GDPD4: variants seen among roughly 807,000 people sequenced by gnomAD.
GDPD4 encodes the protein glycerophosphodiester phosphodiesterase domain containing 4.
Under a neutral mutation model 67.8 loss-of-function variants are expected in GDPD4, and 60 were observed. The ratio of observed to expected loss-of-function variants is 0.88; its 90% CI spans 0.72 to 1.10. The LOEUF (loss-of-function observed/expected upper bound fraction) is 1.10. Among genes scored for constraint, GDPD4 ranks in the 50% least tolerant of loss-of-function variants. GDPD4 has a pLI of 0.00. For synonymous variants in GDPD4, 212 were observed against 210.9 expected (o/e 1.00, Z -0.04); for missense variants, 623 against 613.9 (o/e 1.01, Z -0.16).
At chr11:77,252,064 T>G (rs368205787) in intron 11 of GDPD4, among the ~76,000 whole-genome samples, 5 of 72,146 alleles carry the variant, frequency 6.9e-5, no homozygotes, top group Non-Finnish European at 1.3e-4. Context: ...GTTTTTTTTT[T>G]GTTTTTTTTT....
chr11:77,283,207 A>G (rs1959837519), intron 3 of GDPD4, among the ~76,000 whole-genome samples: 4 of 152,224 alleles, frequency 2.6e-5, no homozygotes, highest in South Asian at 2.1e-4. Flanking sequence ...GCCGGTGGTC[A>G]GTGCAAAAGC....
At chr11:77,268,570 C>A in intron 9 of GDPD4, 31 bp from the exon 10 acceptor site, 8 of 1,491,408 alleles carry the variant, frequency 5.4e-6, no homozygotes, top group Non-Finnish European at 7.5e-6. Flanking sequence ...AGGCCCTAAG[C>A]CTCAGAGTCT....
chr11:77,221,544 G>T (rs2135817686), intron 16 of GDPD4, among the ~76,000 whole-genome samples: 1 of 152,310 alleles, frequency 6.6e-6, no homozygotes, highest in South Asian at 2.1e-4. Flanking sequence ...GAGAGGTTTT[G>T]AGTGAGTTTC....
chr11:77,239,738 A>G (rs1958629310), intron 13 of GDPD4, among the ~76,000 whole-genome samples: 1 of 152,172 alleles, frequency 6.6e-6, no homozygotes, highest in Admixed American at 6.5e-5. Flanking sequence ...AGGCGGGTGG[A>G]TCACCTGAGG....
At chr11:77,264,299 C>A (rs1486323499) in intron 10 of GDPD4, among the ~76,000 whole-genome samples, 1 of 152,050 alleles carries the variant, frequency 6.6e-6, no homozygotes, top group Admixed American at 6.6e-5. Flanking sequence ...TTCATATAAA[C>A]GTGTTTCACA....
At chr11:77,262,094 TG>T (rs1455431689) in intron 10 of GDPD4, among the ~76,000 whole-genome samples, 1 of 152,218 alleles carries the variant, frequency 6.6e-6, no homozygotes, top group African/African-American at 2.4e-5. Flanking sequence ...AATGGGAAAC[TG>T]GTTTTAGTTC....
intron 6 of GDPD4, 35 bp from the exon 7 acceptor site, chr11:77,271,258 T>C: frequency 6.2e-7 from 1 of 1,606,646 alleles, no homozygotes; most frequent in Non-Finnish European, 8.5e-7. Flanking sequence ...TGGATACATC[T>C]AGACAGCTAG....
At chr11:77,230,505 G>C (rs896710580) in intron 14 of GDPD4, among the ~76,000 whole-genome samples, 2 of 152,180 alleles carry the variant, frequency 1.3e-5, no homozygotes, top group Non-Finnish European at 2.9e-5. Context: ...TAAAGATCTA[G>C]GTAGATTGCT....
intron 10 of GDPD4, among the ~76,000 whole-genome samples, chr11:77,265,378 A>T (rs1011696092): frequency 6.6e-6 from 1 of 152,186 alleles, no homozygotes; most frequent in African/African-American, 2.4e-5. Flanking sequence ...TAGGGCCTAG[A>T]AAAGTTTTAA....
intron 10 of GDPD4, among the ~76,000 whole-genome samples, chr11:77,262,402 C>G (rs896774350): frequency 6.6e-6 from 1 of 152,142 alleles, no homozygotes; most frequent in Non-Finnish European, 1.5e-5. Context: ...GCCATCCTCA[C>G]AGGGTTAACA....
At position 77,268,534 on chromosome 11, in the gene GDPD4, C is replaced by T; in HGVS notation, c.630G>A (p.Gly210=). The T allele has an allele frequency of 6.2e-7, 1 of 1,611,358 alleles. No homozygotes were observed. The highest frequency in any genetic ancestry group is 8.5e-7 in the Non-Finnish European group (1 of 1,177,710). Residue 210 remains glycine, a synonymous_variant, in exon 10 of 17, where the codon GGG becomes GGA. Transcript: ENST00000315938. ...IFGHRGAPML[G]PENTMMSFEK... ...CAAAGGACATCATGGTATTCTCAGG[C>T]CCCAACTGTAGAAGAAAAGGACATC... is the stretch of plus-strand genomic sequence containing the variant.
rs1958806690 is a variant in GDPD4, at chr11:77,247,759, T to C, written c.865-2257A>G. Among the ~76,000 whole-genome samples the C allele has an allele frequency of 2.6e-5, 4 of 152,010 alleles. No homozygotes were observed. In the South Asian group the frequency reaches 6.2e-4, roughly 24 times the overall value. The stretch of plus-strand genomic sequence containing the variant: ...CCAATGTATAATATTGGTTAAGAAA[T>C]AGAAAGACAAGTCCGGGCATGGTGG... On this transcript the variant is annotated intron_variant, in intron 11 of 16. Coordinates refer to ENST00000315938, the MANE Select transcript of GDPD4 (RefSeq NM_182833.3).
chr11:77,264,045 A>G (rs1959165878), intron 10 of GDPD4, among the ~76,000 whole-genome samples: 1 of 152,138 alleles, frequency 6.6e-6, no homozygotes, highest in African/African-American at 2.4e-5. Context: ...TGTTTCTGCA[A>G]TCCCCAGAAA....
At chr11:77,284,721 G>T (rs904224763) in intron 3 of GDPD4, among the ~76,000 whole-genome samples, 1 of 152,092 alleles carries the variant, frequency 6.6e-6, no homozygotes, top group African/African-American at 2.4e-5. Context: ...CAGGGTTCAG[G>T]GATAGAGATC....
At chr11:77,259,819 G>C (rs1370632687) in intron 10 of GDPD4, among the ~76,000 whole-genome samples, 1 of 152,152 alleles carries the variant, frequency 6.6e-6, no homozygotes, top group South Asian at 2.1e-4. Flanking sequence ...TAAGTGTATG[G>C]CTAAATATCA....
chr11:77,250,071 T>A (rs1443989100), intron 11 of GDPD4, among the ~76,000 whole-genome samples: 1 of 152,204 alleles, frequency 6.6e-6, no homozygotes, highest in Admixed American at 6.5e-5. Context: ...ATTTTCTCTT[T>A]TATTTGAGCC....
intron 5 of GDPD4, among the ~76,000 whole-genome samples, chr11:77,275,594 TCC>T (rs1289752736): frequency 6.6e-6 from 1 of 152,078 alleles, no homozygotes; most frequent in Admixed American, 6.5e-5. Context: ...AACCCCTGAT[TCC>T]CTTTCTCCCC....
intron 16 of GDPD4, among the ~76,000 whole-genome samples, chr11:77,223,770 G>A (rs1337512120): frequency 6.6e-6 from 1 of 152,198 alleles, no homozygotes; most frequent in African/African-American, 2.4e-5. Context: ...AGTTTCTGCT[G>A]CCTTTTGTTC....
rs570684261 is a variant in GDPD4, at chr11:77,301,467, G to A, written c.-254+138C>T. The A allele has an allele frequency of 2.0e-5, 3 of 152,228 alleles. No individual in the cohort carries two copies. In the East Asian group the frequency reaches 5.8e-4, roughly 29 times the overall value. The allele number at this position is 152,228 out of a possible 1,614,324, so 9.4% of individuals were successfully genotyped here. A position where few individuals can be genotyped will look rare whatever the true frequency, so the allele number is the denominator to read the frequency against. ...GGTCCAGGCCCGTAATCCTCGAGAG[G>A]GGACACAAACGACCCGACAGAGTGA... On this transcript the variant is annotated intron_variant, in intron 1 of 16. Coordinates refer to ENST00000315938, the MANE Select transcript of GDPD4 (RefSeq NM_182833.3).
Sources: gnomAD v4.1 joint callset for allele counts (sites outside exome capture counted in the v4.1 genomes callset) on GRCh38, gnomAD v4.1.1 for gene constraint, MANE v1.5 for transcripts, NCBI Gene and HGNC (gene_info 2026-07-23, HGNC 2026-07-21) for gene names.